The following LYAR variants were observed in gnomAD, a reference collection of about 807,000 sequenced individuals.
LYAR encodes the protein cell growth-regulating nucleolar protein.
In LYAR, 37 loss-of-function variants were observed where a neutral mutation model predicts 45.2. The observed-to-expected ratio is 0.82, with a 90% CI of 0.63 to 1.08. The LOEUF (loss-of-function observed/expected upper bound fraction) is 1.08. Among genes scored for constraint, LYAR ranks in the 50% least tolerant of loss-of-function variants. LYAR has a pLI of 0.00. For missense variants in LYAR, 493 were observed against 451.0 expected, an observed-to-expected ratio of 1.09 and a Z score of -0.84; for synonymous variants, 176 against 155.1, an observed-to-expected ratio of 1.14 and a Z score of -1.00.
chr4:4,289,317 G>A (rs1403892216), intron 1 of LYAR, among the ~76,000 whole-genome samples: 2 of 152,160 alleles, frequency 1.3e-5, no homozygotes, highest in Non-Finnish European at 2.9e-5. Flanking sequence ...CCATGTGTCA[G>A]GCACTATGCT....
At chr4:4,279,813 C>A in intron 4 of LYAR, 64 bp from the exon 5 acceptor site, 1 of 1,117,184 alleles carries the variant, frequency 9.0e-7, no homozygotes, top group Non-Finnish European at 1.3e-6. Context: ...TCATGAAAGC[C>A]AATTGAAAAA....
At chr4:4,275,497 T>C (rs1372581186) in intron 6 of LYAR, among the ~76,000 whole-genome samples, 4 of 151,326 alleles carry the variant, frequency 2.6e-5, no homozygotes, top group African/African-American at 7.3e-5. Flanking sequence ...CAGGCTGAAA[T>C]GTAGTGGCAC....
chr4:4,273,277 G>A (rs1221238272), intron 8 of LYAR, among the ~76,000 whole-genome samples: 1 of 152,218 alleles, frequency 6.6e-6, no homozygotes, highest in African/African-American at 2.4e-5. Flanking sequence ...CTAGAGAACT[G>A]ATTTTACTTT....
At chr4:4,268,378 C>T in intron 9 of LYAR, 152 bp downstream of exon 9, 1 of 600,914 alleles carries the variant, frequency 1.7e-6, no homozygotes. Context: ...CTGGCTGAGG[C>T]TGTGTGGGGC....
At chr4:4,280,363 A>G in intron 4 of LYAR, among the ~76,000 whole-genome samples, 1 of 152,208 alleles carries the variant, frequency 6.6e-6, no homozygotes, top group East Asian at 1.9e-4. Flanking sequence ...CAGATTCAAT[A>G]CAATTCCTAT....
chr4:4,285,335 T>A (rs1719562240), intron 2 of LYAR, among the ~76,000 whole-genome samples: 1 of 152,190 alleles, frequency 6.6e-6, no homozygotes, highest in Non-Finnish European at 1.5e-5. Flanking sequence ...ATCTGCTTAC[T>A]GTAAAGATGT....
chr4:4,267,921 A>T lies in LYAR; in HGVS notation c.1108T>A (p.Leu370Ile). ...KKISKNPTFK[L>I]LKDKVKLVK ...ACAAGCTTGACTTTGTCCTTTAATA[A>T]CTTAAAGGTAGGGTTCTTGCTGATT... is the stretch of plus-strand genomic sequence containing the variant. The change falls in exon 10 of 10, where the codon TTA (leucine) becomes ATA (isoleucine). Residue 370 changes from leucine (L) to isoleucine (I), a missense_variant. Physicochemically the swap from Leu to Ile is conservative, Grantham distance 5. Transcript: ENST00000343470. The T allele has an allele frequency of 6.2e-7, 1 of 1,611,802 alleles. No individual in the cohort carries two copies. The highest frequency in any genetic ancestry group is 1.3e-5 in the African/African-American group (1 of 74,962).
chr4:4,274,699 G>A lies in LYAR; in HGVS notation c.500C>T (p.Thr167Ile). 6.2e-7 allele frequency: 1 copy of A among 1,613,812 alleles called. No individual in the cohort carries two copies. The highest frequency in any genetic ancestry group is 8.5e-7 in the Non-Finnish European group (1 of 1,179,992). ...PVANPHAEIS[T>I]KVPASKVKDA... ...TTTCACTTTGGAGGCTGGAACCTTG[G>A]TGGAGATTTCTGCATGTGGATTTGC... Residue 167 changes from threonine (T) to isoleucine (I), a missense_variant, in exon 7 of 10, where the codon ACC (threonine) becomes ATC (isoleucine). Coordinates refer to ENST00000343470, the MANE Select transcript of LYAR (RefSeq NM_017816.3).
chr4:4,274,370 C>T lies in LYAR; in HGVS notation c.829G>A (p.Glu277Lys). The change falls in exon 7 of 10, where the codon GAA (glutamate) becomes AAA (lysine). Residue 277 changes from glutamate to lysine, a missense_variant. Transcript: ENST00000343470. ...AGAGCGTGAGCTAGCCACTTACCTT[C>T]CGAGTGCCTCCGCTTCCTCTTCCCT... ...GAGKRKRRHS[E>K]VETDSKKKKM... 6.2e-7 allele frequency: 1 copy of T among 1,608,722 alleles called. No homozygotes were observed. Among genetic ancestry groups the T allele is most frequent in the Non-Finnish European group, 8.5e-7 (1 of 1,176,864 alleles).
intron 1 of LYAR, among the ~76,000 whole-genome samples, chr4:4,288,865 C>G (rs1192490518): frequency 6.6e-6 from 1 of 152,194 alleles, no homozygotes; most frequent in Non-Finnish European, 1.5e-5. Context: ...ACTCAAACAG[C>G]CCACCTGAGG....
At chr4:4,288,895 G>T (rs571612101) in intron 1 of LYAR, among the ~76,000 whole-genome samples, 1 of 152,200 alleles carries the variant, frequency 6.6e-6, no homozygotes, top group Non-Finnish European at 1.5e-5. Flanking sequence ...GGCAACCCCA[G>T]GATATCCCCC....
In LYAR at chr4:4,279,687, T is replaced by C; in HGVS notation, c.300A>G (p.Gln100=). Residue 100 remains glutamine, a synonymous_variant, in exon 5 of 10, where the codon CAA becomes CAG. Coordinates refer to ENST00000343470, the MANE Select transcript of LYAR (RefSeq NM_017816.3). ...TGGGAACGTTGTCAAAAGCACTAAT[T>C]TGCTCTAAAAGTTCTCTCACTTTGG... ...VSPKVRELLE[Q]ISAFDNVPRK... is the part of the protein sequence containing the mutation. 1 of 1,614,088 alleles carries C rather than the reference T, an allele frequency of 6.2e-7. No individual in the cohort carries two copies. The highest frequency in any genetic ancestry group is 8.5e-7 in the Non-Finnish European group (1 of 1,179,996).
At chr4:4,274,209 C>G (rs575107474) in intron 7 of LYAR, among the ~76,000 whole-genome samples, 158 bp downstream of exon 7, 1 of 152,028 alleles carries the variant, frequency 6.6e-6, no homozygotes, top group East Asian at 1.9e-4. Flanking sequence ...TGCACTCCAG[C>G]CTGGGCAACA....
chr4:4,267,760 A>T lies in LYAR; in HGVS notation c.*129T>A, dbSNP rs369349408. On this transcript the variant is annotated 3_prime_UTR_variant, in exon 10 of 10. Coordinates refer to ENST00000343470, the MANE Select transcript of LYAR (RefSeq NM_017816.3). The stretch of plus-strand genomic sequence containing the variant: ...CTCATAAAAGTTATACCAAAAATAT[A>T]TTTTCTTAACTTAAAAATACAGCTT... 3 of 607,002 alleles carry T rather than the reference A, an allele frequency of 4.9e-6. No homozygotes were observed. The highest frequency in any genetic ancestry group is 7.6e-6 in the Non-Finnish European group (3 of 396,844). The allele number at this position is 607,002 out of a possible 1,614,324, so 37.6% of individuals were successfully genotyped here. A position where few individuals can be genotyped will look rare whatever the true frequency, so the allele number is the denominator to read the frequency against.
chr4:4,289,379 C>T (rs1485921125), intron 1 of LYAR, among the ~76,000 whole-genome samples: 1 of 152,184 alleles, frequency 6.6e-6, no homozygotes. Flanking sequence ...TGGGCCCTCT[C>T]TGCTAGAAAT....
At chr4:4,276,771 C>T (rs913072590) in intron 6 of LYAR, among the ~76,000 whole-genome samples, 8 of 151,746 alleles carry the variant, frequency 5.3e-5, no homozygotes, top group Non-Finnish European at 8.8e-5. Context: ...ACAGGAGAAT[C>T]ACTTGAACCC....
At position 4,283,737 on chromosome 4, in the gene LYAR, T is replaced by C; in HGVS notation, c.6A>G (p.Val2=). The change falls in exon 3 of 10, where the codon GTA becomes GTG. Residue 2 remains valine, a synonymous_variant. Coordinates refer to ENST00000343470, the MANE Select transcript of LYAR (RefSeq NM_017816.3). The stretch of plus-strand genomic sequence containing the variant: ...CACCACATGCATTGCATGTAAAAAA[T>C]ACCATTTTTAGGTAAATGGCTAAAT... M[V]FFTCNACGES... The C allele has an allele frequency of 1.2e-6, 2 of 1,610,002 alleles. No individual in the cohort carries two copies. The highest frequency in any genetic ancestry group is 1.7e-6 in the Non-Finnish European group (2 of 1,178,846).
At chr4:4,280,843 T>C (rs910064324) in intron 4 of LYAR, among the ~76,000 whole-genome samples, 1 of 152,220 alleles carries the variant, frequency 6.6e-6, no homozygotes, top group African/African-American at 2.4e-5. Context: ...TATTATCAAA[T>C]GGAACGATTA....
chr4:4,280,193 A>C (rs75295692), intron 4 of LYAR, among the ~76,000 whole-genome samples: 5,362 of 152,320 alleles, frequency 0.035, 298 homozygotes, highest in African/African-American at 0.12. Context: ...AAGAATAATC[A>C]GGAATAAACT....
Sources: allele counts gnomAD v4.1 joint callset (sites outside exome capture counted in the v4.1 genomes callset), GRCh38; gene constraint gnomAD v4.1.1; transcripts MANE v1.5; gene names NCBI Gene and HGNC (gene_info 2026-07-23, HGNC 2026-07-21).